Variants in ACTR6 observed in about 807,000 individuals in gnomAD.
ACTR6 encodes actin-related protein 6.
Under a neutral mutation model 52.5 loss-of-function variants are expected in ACTR6, and 50 were observed. The ratio of observed to expected loss-of-function variants is 0.95; its 90% CI spans 0.76 to 1.20. The LOEUF (loss-of-function observed/expected upper bound fraction) is 1.20. Among genes scored for constraint, ACTR6 ranks in the 50% most tolerant of loss-of-function variants. ACTR6 has a pLI of 0.00. For synonymous variants in ACTR6, 135 were observed against 147.2 expected (o/e 0.92, Z 0.60); for missense variants, 344 against 472.4 (o/e 0.73, Z 2.52).
At chr12:100,216,677 A>ATTTT (rs2096124178) in intron 8 of ACTR6, among the ~76,000 whole-genome samples, 11 of 152,366 alleles carry the variant, frequency 7.2e-5, no homozygotes, top group African/African-American at 2.6e-4. Flanking sequence ...TGTTGATAAA[A>ATTTT]TGAGTTATAT....
At position 100,218,432 on chromosome 12, in the gene ACTR6, G is replaced by A. The variant is rs766364029; in HGVS notation, c.768G>A (p.Val256=). The change falls in exon 9 of 11, where the codon GTG becomes GTA. Residue 256 remains valine (V), a synonymous_variant. Coordinates refer to ENST00000188312, the MANE Select transcript of ACTR6 (RefSeq NM_022496.5). This position sits in a 1 kb window ranked among gnomAD's most constrained non-coding sequence, Gnocchi z 4.2. The part of the protein sequence containing the change: ...KGFCKPREEM[V]LSGKYKSGEQ... ...TCTTTAAGCCAAGGGAAGAGATGGT[G>A]TTGAGTGGAAAATACAAATCTGGGG... 4 of 1,610,210 alleles carry A rather than the reference G, an allele frequency of 2.5e-6. No homozygotes were observed. In the Admixed American group the frequency reaches 5.1e-5, roughly 20 times the overall value.
At chr12:100,204,042 T>C (rs989438804) in intron 1 of ACTR6, 1 of 152,392 alleles carries the variant, frequency 6.6e-6, no homozygotes, top group East Asian at 1.9e-4. Flanking sequence ...CTTTCGCCTC[T>C]GCAGTGGCGG....
Position 100,207,771 on chromosome 12 carries a change from G to C in ACTR6, c.364G>C (p.Val122Leu), listed in dbSNP as rs766283243. The change falls in exon 4 of 11, where the codon GTA (valine) becomes CTA (leucine). Residue 122 changes from valine to leucine, a missense_variant. By Grantham distance (32) the Val-to-Leu change is conservative. Transcript: ENST00000188312. ...ATTTGAAGAATACCAGTTTCAAGCA[G>C]TATTAAGAGTAAATGGTGAGTTCAA... is the stretch of plus-strand genomic sequence containing the variant. ...ILFEEYQFQA[V>L]LRVNAGALSA... The C allele has an allele frequency of 6.3e-7, 1 of 1,597,028 alleles. No individual in the cohort carries two copies. Among genetic ancestry groups the C allele is most frequent in the Admixed American group, 1.7e-5 (1 of 59,350 alleles).
At chr12:100,210,264 C>T (rs200450354) in intron 5 of ACTR6, 31 bp from the exon 6 acceptor site, 343 of 1,609,836 alleles carry the variant, frequency 2.1e-4, no homozygotes, top group Middle Eastern at 1.7e-3. Context: ...ATGATATGTG[C>T]GATAATTAAA....
rs986462248 is a variant in ACTR6, at chr12:100,218,647, G to A, written c.922+61G>A. 2.0e-5 allele frequency: 23 copies of A among 1,138,564 alleles called. No homozygotes were observed. The highest frequency in any genetic ancestry group is 1.0e-5 in the Non-Finnish European group (9 of 872,240). 70.5% of individuals were successfully genotyped at this position (1,138,564 alleles called of 1,614,324 possible). On this transcript the variant is annotated intron_variant, in intron 9 of 10. Transcript: ENST00000188312. This position sits in a 1 kb window ranked among gnomAD's most constrained non-coding sequence, Gnocchi z 4.2. ...TTGTTTTAAAAACATCATAAGCCCTGTGAACCCTGTTTCCTCTAAATAATT... is the reference window on the plus strand; with the variant it reads ...TTGTTTTAAAAACATCATAAGCCCTATGAACCCTGTTTCCTCTAAATAATT...
intron 10 of ACTR6, 24 bp from the exon 11 acceptor site, chr12:100,223,762 G>T: frequency 6.3e-7 from 1 of 1,587,210 alleles, no homozygotes; most frequent in East Asian, 2.3e-5. Flanking sequence ...AATCATCTGG[G>T]TTCATTTATA....
intron 9 of ACTR6, 103 bp from the exon 10 acceptor site, chr12:100,219,905 C>G: frequency 2.5e-6 from 3 of 1,189,986 alleles, no homozygotes; most frequent in Non-Finnish European, 2.3e-6. Context: ...TAACTGTAAT[C>G]CCTAATTGCT....
In ACTR6 at chr12:100,222,018, A is replaced by T. The variant is rs144622307; in HGVS notation, c.1062-1768A>T. ...TGCTCAGGCTGTAGTGCAGTGGCGC[A>T]GTCTTGGCTCACCACAACCTCCGCC... On this transcript the variant is annotated intron_variant, in intron 10 of 10. Coordinates refer to ENST00000188312, the MANE Select transcript of ACTR6 (RefSeq NM_022496.5). Among the ~76,000 whole-genome samples, 955 of 151,566 alleles carry T rather than the reference A, an allele frequency of 6.3e-3. 7 individuals are homozygous for T. The highest frequency in any genetic ancestry group is 0.022 in the African/African-American group (914 of 41,316).
intron 10 of ACTR6, among the ~76,000 whole-genome samples, chr12:100,222,196 G>A (rs1285256861): frequency 4.0e-5 from 6 of 149,890 alleles, no homozygotes; most frequent in South Asian, 2.1e-4. Flanking sequence ...CTTGTGATCC[G>A]CCTGCCTTGG....
rs937573188 is a variant in ACTR6, at chr12:100,218,794, A to G, written c.922+208A>G. Among the ~76,000 whole-genome samples, 5 of 151,918 alleles carry G rather than the reference A, an allele frequency of 3.3e-5. No individual in the cohort carries two copies. The highest frequency in any genetic ancestry group is 2.9e-5 in the Non-Finnish European group (2 of 68,010). On this transcript the variant is annotated intron_variant, in intron 9 of 10. Transcript: ENST00000188312. This position sits in a 1 kb window ranked among gnomAD's most constrained non-coding sequence, Gnocchi z 4.2. ...TTTGTGATTATAAATTCGATAGAGG[A>G]AAAATCATTATGGTCCATTTAAACT...
At position 100,200,909 on chromosome 12, in the gene ACTR6, G is replaced by T; in HGVS notation, c.58G>T (p.Glu20Ter). The T allele has an allele frequency of 1.2e-6, 2 of 1,614,166 alleles. No homozygotes were observed. Among genetic ancestry groups the T allele is most frequent in the Non-Finnish European group, 1.7e-6 (2 of 1,180,008 alleles). ...AYNAKIGYSH[E>*]NVSVIPNCQF... ...CAACGCCAAAATCGGTTACAGCCAT[G>T]AAAATGTGTCGTAAGTACTTTCTTT... Residue 20 changes from glutamate (E) to a stop codon, truncating the protein, a stop_gained, in exon 1 of 11, where the codon GAA (glutamate) becomes TAA (stop). Transcript: ENST00000188312. LOFTEE classifies it high-confidence loss of function.
At chr12:100,214,166 A>G (rs1489632895) in intron 8 of ACTR6, among the ~76,000 whole-genome samples, 1 of 152,322 alleles carries the variant, frequency 6.6e-6, no homozygotes. Flanking sequence ...TGAGAATAAT[A>G]ATATGTTATT....
chr12:100,223,791 T>C lies in ACTR6; in HGVS notation c.1067T>C (p.Ile356Thr). 1 of 1,606,440 alleles carries C rather than the reference T, an allele frequency of 6.2e-7. No individual in the cohort carries two copies. The highest frequency in any genetic ancestry group is 8.5e-7 in the Non-Finnish European group (1 of 1,177,886). The change falls in exon 11 of 11, where the codon ATT (isoleucine) becomes ACT (threonine). Residue 356 changes from isoleucine to threonine, a missense_variant. Transcript: ENST00000188312. The stretch of plus-strand genomic sequence containing the variant: ...ATTTATACCTTTATTTTCAGCCCTA[T>C]TACTTATGCCTGGGAAGGTGGAAAA... The part of the protein sequence containing the change: ...DVSVVLPENP[I>T]TYAWEGGKLI...
chr12:100,212,605 G>A lies in ACTR6; in HGVS notation c.750+77G>A, dbSNP rs2096120745. ...CCCAGCACTTGGGGAGGCTAAGATG[G>A]GAGTTAAGAGACTGGCCTGGGCAAC... On this transcript the variant is annotated intron_variant, in intron 8 of 10. Coordinates refer to ENST00000188312, the MANE Select transcript of ACTR6 (RefSeq NM_022496.5). The A allele has an allele frequency of 7.6e-6, 8 of 1,051,860 alleles. No homozygotes were observed. In the South Asian group the frequency reaches 1.0e-4, roughly 14 times the overall value. The allele number at this position is 1,051,860 out of a possible 1,614,324, so 65.2% of individuals were successfully genotyped here.
intron 8 of ACTR6, among the ~76,000 whole-genome samples, chr12:100,214,042 A>C (rs1443244069): frequency 6.6e-6 from 1 of 152,230 alleles, no homozygotes; most frequent in African/African-American, 2.4e-5. Flanking sequence ...AATCAAGTAG[A>C]GCTTATATAA....
rs776326760 is a variant in ACTR6, at chr12:100,210,117, G to T, written c.424G>T (p.Glu142Ter). 4 of 1,609,978 alleles carry T rather than the reference G, an allele frequency of 2.5e-6. No individual in the cohort carries two copies. Among genetic ancestry groups the T allele is most frequent in the South Asian group, 1.1e-5 (1 of 90,126 alleles). ...TAGGTATTTCCGAGATAATCCTTCC[G>T]AATTATGCTGTATCATTGTTGATAG... ...AHRYFRDNPS[E>*]LCCIIVDSGY... is the part of the protein sequence containing the mutation. The change falls in exon 5 of 11, where the codon GAA (glutamate) becomes TAA (stop). Residue 142 changes from glutamate to a stop codon, truncating the protein, a stop_gained. Coordinates refer to ENST00000188312, the MANE Select transcript of ACTR6 (RefSeq NM_022496.5). LOFTEE classifies it high-confidence loss of function.
rs576815685 is a variant in ACTR6, at chr12:100,223,655, G to A, written c.1062-131G>A. 68 of 1,112,044 alleles carry A rather than the reference G, an allele frequency of 6.1e-5. No homozygotes were observed. In the African/African-American group the frequency reaches 9.5e-4, roughly 15 times the overall value. The allele number at this position is 1,112,044 out of a possible 1,614,324, so 68.9% of individuals were successfully genotyped here. ...CTTAAACAATTTTCTGTTGGGTTGG[G>A]TAGAGCTTGCCACATTTTAATGGCA... On this transcript the variant is annotated intron_variant, in intron 10 of 10. Coordinates refer to ENST00000188312, the MANE Select transcript of ACTR6 (RefSeq NM_022496.5).
At chr12:100,201,177 G>A in intron 1 of ACTR6, 1 of 914,112 alleles carries the variant, frequency 1.1e-6, no homozygotes, top group Non-Finnish European at 1.5e-6. Flanking sequence ...AAGAAAATAG[G>A]CTTATAGAGA....
intron 10 of ACTR6, among the ~76,000 whole-genome samples, chr12:100,222,972 A>G (rs2096129503): frequency 6.6e-6 from 1 of 152,220 alleles, no homozygotes; most frequent in African/African-American, 2.4e-5. Flanking sequence ...AACAGTTCTG[A>G]GTTAAATCCT....
Sources: gnomAD v4.1 joint callset for allele counts (sites outside exome capture counted in the v4.1 genomes callset) on GRCh38, gnomAD v4.1.1 for gene constraint, Gnocchi (gnomAD v3.1) non-coding constraint, MANE v1.5 for transcripts, NCBI Gene and HGNC (gene_info 2026-07-23, HGNC 2026-07-21) for gene names.